SEMA6D: variants seen among roughly 807,000 people sequenced by gnomAD.
SEMA6D encodes semaphorin 6D, also known as semaphorin-6D.
In SEMA6D, 35 loss-of-function variants were observed where a neutral mutation model predicts 106.6. The observed-to-expected ratio is 0.33, with a 90% CI of 0.25 to 0.44. SEMA6D has a LOEUF of 0.44. Among genes scored for constraint, SEMA6D ranks in the 20% least tolerant of loss-of-function variants. SEMA6D has a pLI of 1.00. For missense variants in SEMA6D, 1,185 were observed against 1,345.9 expected (o/e 0.88, Z 1.87); for synonymous variants, 499 against 487.7 (o/e 1.02, Z -0.31).
rs73388945 is a variant in SEMA6D, at chr15:47,474,491, A to G, written c.-87+3946A>G. Among the ~76,000 whole-genome samples the G allele has an allele frequency of 8.0e-3, 1,217 of 152,334 alleles. 19 individuals carry two copies. Among genetic ancestry groups the G allele is most frequent in the African/African-American group, 0.028 (1,173 of 41,576 alleles). On this transcript the variant is annotated intron_variant, in intron 3 of 19. Transcript: ENST00000558014. ...TGTGGCATTAAGTCTTAAACTTACA[A>G]GTATATCTTTCACAGCAAATGTCAC...
intron 2 of SEMA6D, among the ~76,000 whole-genome samples, chr15:47,435,453 G>A (rs1016628039): frequency 5.3e-5 from 8 of 152,052 alleles, no homozygotes; most frequent in East Asian, 3.9e-4. Context: ...ACTCTCAAAG[G>A]CCCTGATAAG....
At chr15:47,736,405 C>T (rs1332590742) in intron 1 of SEMA6D, among the ~76,000 whole-genome samples, 2 of 152,100 alleles carry the variant, frequency 1.3e-5, no homozygotes, top group Admixed American at 6.6e-5. Context: ...CTCAATGTGA[C>T]CAAATTTTGA....
At chr15:47,285,900 C>A (rs2035339281) in intron 1 of SEMA6D, among the ~76,000 whole-genome samples, 1 of 152,146 alleles carries the variant, frequency 6.6e-6, no homozygotes, top group Non-Finnish European at 1.5e-5. Context: ...TACTAACTTA[C>A]TAACTTATTA....
intron 1 of SEMA6D, among the ~76,000 whole-genome samples, chr15:47,335,770 T>C (rs2037528771): frequency 6.6e-6 from 1 of 152,094 alleles, no homozygotes; most frequent in Non-Finnish European, 1.5e-5. Flanking sequence ...GGGAGAGTCA[T>C]AGGACTCATC....
intron 3 of SEMA6D, among the ~76,000 whole-genome samples, chr15:47,512,960 G>A (rs1473847213): frequency 2.0e-5 from 3 of 152,146 alleles, no homozygotes; most frequent in African/African-American, 7.2e-5. Context: ...ACAAACCAAG[G>A]CAGGCCTTAA....
chr15:47,640,871 T>A (rs567383327), intron 4 of SEMA6D, among the ~76,000 whole-genome samples: 21 of 152,098 alleles, frequency 1.4e-4, no homozygotes, highest in Non-Finnish European at 2.6e-4. Flanking sequence ...TTTTTTTTTT[T>A]AAATCGCTTC....
intron 1 of SEMA6D, among the ~76,000 whole-genome samples, chr15:47,212,481 A>C (rs1164723052): frequency 1.3e-5 from 2 of 152,236 alleles, no homozygotes; most frequent in African/African-American, 4.8e-5. Context: ...CGTATTGAGC[A>C]CAGGAAGAAT....
chr15:47,424,432 A>G (rs2041267799), intron 2 of SEMA6D, among the ~76,000 whole-genome samples: 1 of 152,158 alleles, frequency 6.6e-6, no homozygotes, highest in Admixed American at 6.6e-5. Context: ...ATGAAATAAA[A>G]CAGATTTTAA....
chr15:47,701,709 T>G (rs894702197), intron 4 of SEMA6D, among the ~76,000 whole-genome samples: 20 of 152,330 alleles, frequency 1.3e-4, no homozygotes, highest in Non-Finnish European at 2.5e-4. Context: ...AGTAGAAATA[T>G]GTAATGTAGC....
intron 1 of SEMA6D, among the ~76,000 whole-genome samples, chr15:47,389,091 C>G (rs903295186): frequency 6.6e-6 from 1 of 152,222 alleles, no homozygotes; most frequent in Non-Finnish European, 1.5e-5. Context: ...TTAGCATCAT[C>G]TGTTCCACAG....
intron 2 of SEMA6D, among the ~76,000 whole-genome samples, chr15:47,421,488 C>T (rs2041154001): frequency 6.6e-6 from 1 of 152,074 alleles, no homozygotes; most frequent in Admixed American, 6.6e-5. Context: ...TTATGTTTAT[C>T]ATCTACTCCT....
intron 2 of SEMA6D, among the ~76,000 whole-genome samples, chr15:47,449,646 A>C (rs1163349170): frequency 6.6e-6 from 1 of 152,086 alleles, no homozygotes. Flanking sequence ...TGTCTTTATG[A>C]AGAATGGGGC....
chr15:47,638,483 C>T (rs766293337), intron 4 of SEMA6D, among the ~76,000 whole-genome samples: 4 of 152,108 alleles, frequency 2.6e-5, no homozygotes, highest in East Asian at 1.9e-4. Context: ...CCCTTAACAA[C>T]GTAACAAATG....
At chr15:47,553,506 T>C (rs1882250342) in intron 3 of SEMA6D, among the ~76,000 whole-genome samples, 1 of 152,186 alleles carries the variant, frequency 6.6e-6, no homozygotes, top group Non-Finnish European at 1.5e-5. Flanking sequence ...ATAGTTCACA[T>C]TTCCTGCCTG....
intron 1 of SEMA6D, among the ~76,000 whole-genome samples, chr15:47,729,701 A>T (rs2079993589): frequency 6.6e-6 from 1 of 152,184 alleles, no homozygotes; most frequent in Non-Finnish European, 1.5e-5. Context: ...GTTTCCAAAG[A>T]ACTGTAGAAA....
At chr15:47,378,487 C>A (rs931213575) in intron 1 of SEMA6D, among the ~76,000 whole-genome samples, 10 of 152,178 alleles carry the variant, frequency 6.6e-5, no homozygotes, top group Non-Finnish European at 1.2e-4. Flanking sequence ...TGGAACCAGA[C>A]CCTGTCTCAA....
At chr15:47,753,961 C>G (rs769531168) in intron 1 of SEMA6D, among the ~76,000 whole-genome samples, 3 of 152,098 alleles carry the variant, frequency 2.0e-5, no homozygotes, top group Non-Finnish European at 2.9e-5. Context: ...TTTGGGCTAG[C>G]GATAAAGTAG....
At chr15:47,424,792 G>A (rs1405581989) in intron 2 of SEMA6D, among the ~76,000 whole-genome samples, 1 of 152,210 alleles carries the variant, frequency 6.6e-6, no homozygotes, top group African/African-American at 2.4e-5. Flanking sequence ...AGATTAACAG[G>A]AGCAAAAGCA....
At chr15:47,262,220 T>C (rs1479584064) in intron 1 of SEMA6D, among the ~76,000 whole-genome samples, 1 of 152,242 alleles carries the variant, frequency 6.6e-6, no homozygotes, top group East Asian at 1.9e-4. Flanking sequence ...TTCATGCCCA[T>C]GCATAGGAAG....
Sources: gnomAD v4.1 joint callset for allele counts (sites outside exome capture counted in the v4.1 genomes callset) on GRCh38, gnomAD v4.1.1 for gene constraint, MANE v1.5 for transcripts, NCBI Gene and HGNC (gene_info 2026-07-23, HGNC 2026-07-21) for gene names.